The following NUP205 variants were observed in gnomAD, a reference collection of about 807,000 sequenced individuals.
NUP205 encodes nucleoporin 205, also known as nuclear pore complex protein Nup205.
A neutral mutation model predicts 253.8 loss-of-function variants in NUP205; 76 were observed. The observed-to-expected ratio is 0.30, with a 90% confidence interval of 0.25 to 0.36. The LOEUF (loss-of-function observed/expected upper bound fraction) is 0.36, where lower values mean the gene tolerates loss of function less well. Ranked by LOEUF, NUP205 falls within the 10% of genes least tolerant of loss-of-function variation. The probability of loss-of-function intolerance (pLI) is 1.00; values close to 1 mark genes in which losing one functional copy is unlikely to be tolerated. For missense variants in NUP205, 2,162 were observed against 2,425.5 expected, an observed-to-expected ratio of 0.89 and a Z score of 2.28; for synonymous variants, 832 against 850.1, an observed-to-expected ratio of 0.98 and a Z score of 0.37.
At chr7:135,571,601 A>G (rs1422323489) in intron 2 of NUP205, among the ~76,000 whole-genome samples, 2 of 152,056 alleles carry the variant, frequency 1.3e-5, no homozygotes, top group East Asian at 1.9e-4. Flanking sequence ...AAGGATGTAT[A>G]TATTTATGAG....
In NUP205 at chr7:135,578,913, C is replaced by G. The variant is rs368427614; in HGVS notation, c.1040C>G (p.Thr347Arg). 1 of 1,584,654 alleles carries G rather than the reference C, an allele frequency of 6.3e-7. No homozygotes were observed. Among genetic ancestry groups the G allele is most frequent in the Non-Finnish European group, 8.5e-7 (1 of 1,170,008 alleles). The change falls in exon 7 of 43, where the codon ACA becomes AGA. Residue 347 changes from threonine (T) to arginine (R), a missense_variant and splice_region_variant. This residue lies in a region of NUP205 where 892 missense variants were observed against 957.1 expected (regional missense o/e 0.93). Coordinates refer to ENST00000285968, the MANE Select transcript of NUP205 (RefSeq NM_015135.3). Reference protein sequence around the residue: ...LRGISQLPDVTALAEFTEADE... With the variant: ...LRGISQLPDVRALAEFTEADE... Reference sequence around the variant, plus strand: ...GGAATATCCCAGCTACCTGATGTGACAGGTGAATTGATTGTAGGTAATTTT... The same window carrying G: ...GGAATATCCCAGCTACCTGATGTGAGAGGTGAATTGATTGTAGGTAATTTT...
intron 23 of NUP205, among the ~76,000 whole-genome samples, chr7:135,615,709 G>T (rs938929044): frequency 2.6e-5 from 4 of 151,894 alleles, no homozygotes; most frequent in Non-Finnish European, 5.9e-5. Context: ...CCCATCTTTC[G>T]TAAATTTATA....
At chr7:135,605,604 A>C (rs1319735495) in intron 19 of NUP205, among the ~76,000 whole-genome samples, 1 of 151,620 alleles carries the variant, frequency 6.6e-6, no homozygotes, top group Non-Finnish European at 1.5e-5. Context: ...AGGTTTATGA[A>C]ACCTTGTGAT....
At position 135,628,001 on chromosome 7, in the gene NUP205, T is replaced by C. The variant is rs1563135357; in HGVS notation, c.4822T>C (p.Phe1608Leu). 1 of 1,612,334 alleles carries C rather than the reference T, an allele frequency of 6.2e-7. No homozygotes were observed. ...SMFGMRDPPM[F>L]IPTPVDRYRQ... ...GTTTGGCATGAGAGACCCTCCAATG[T>C]TCATCCCTACCCCAGTGGATCGCTA... Residue 1608 changes from phenylalanine to leucine, a missense_variant, in exon 34 of 43, where the codon TTC (phenylalanine) becomes CTC (leucine). This residue lies in a region of NUP205 where 1,144 missense variants were observed against 1,280.9 expected (regional missense o/e 0.89). Coordinates refer to ENST00000285968, the MANE Select transcript of NUP205 (RefSeq NM_015135.3).
chr7:135,590,180 C>T (rs1437605168), intron 10 of NUP205, among the ~76,000 whole-genome samples: 5 of 151,080 alleles, frequency 3.3e-5, no homozygotes, highest in Non-Finnish European at 5.9e-5. Context: ...GGCCTGATCT[C>T]GGCTCACTGC....
chr7:135,587,833 A>C (rs1024740617), intron 9 of NUP205, 22 bp from the exon 10 acceptor site: 2 of 1,595,274 alleles, frequency 1.3e-6, no homozygotes, highest in African/African-American at 2.7e-5. Context: ...ATTTCCCTAC[A>C]GTCTTTGCTT....
At chr7:135,568,336 A>G (rs759827622) in intron 1 of NUP205, among the ~76,000 whole-genome samples, 3 of 151,426 alleles carry the variant, frequency 2.0e-5, no homozygotes, top group Non-Finnish European at 4.4e-5. Flanking sequence ...TTAGTTTTTT[A>G]TTGTTGTTGT....
intron 17 of NUP205, among the ~76,000 whole-genome samples, chr7:135,601,946 T>C (rs974003382): frequency 1.3e-5 from 2 of 152,250 alleles, no homozygotes; most frequent in African/African-American, 4.8e-5. Flanking sequence ...TAAAAGCACA[T>C]TGCATATATT....
In NUP205 at chr7:135,598,068, G is replaced by A. The variant is rs2129490445; in HGVS notation, c.2135G>A (p.Ser712Asn). The change falls in exon 15 of 43, where the codon AGT becomes AAT. Residue 712 changes from serine to asparagine, a missense_variant. Transcript: ENST00000285968. Reference protein sequence around the residue: ...PLTRAFCQLISTLVESSFPSN... With the variant: ...PLTRAFCQLINTLVESSFPSN... ...ACTCGGGCCTTTTGCCAGCTTATTA[G>A]TACTCTGGTGGAGAGCTCATTTCCT... The A allele has an allele frequency of 6.2e-7, 1 of 1,614,138 alleles. No homozygotes were observed.
In NUP205 at chr7:135,614,171, T is replaced by C. The variant is rs748793968; in HGVS notation, c.3208T>C (p.Leu1070=). Reference sequence around the variant, plus strand: ...TTTAATGCTTTAGGTCATATATCAGTTATGTGCATGCTCTGATACATCTGG... The same window carrying C: ...TTTAATGCTTTAGGTCATATATCAGCTATGTGCATGCTCTGATACATCTGG... The part of the protein sequence containing the change: ...AELCYQVIYQ[L]CACSDTSGPT... Residue 1070 remains leucine (L), a synonymous_variant, in exon 23 of 43, where the codon TTA becomes CTA. Coordinates refer to ENST00000285968, the MANE Select transcript of NUP205 (RefSeq NM_015135.3). The C allele has an allele frequency of 1.9e-6, 3 of 1,583,816 alleles. No homozygotes were observed. Among genetic ancestry groups the C allele is most frequent in the East Asian group, 2.2e-5 (1 of 44,570 alleles).
In NUP205 at chr7:135,639,666, G is replaced by C. The variant is rs534206282; in HGVS notation, c.5392+983G>C. Reference sequence around the variant, plus strand: ...AGATCACACCACTGCACTACAGCCTGGGCTACAGAGTGAGACTTTGTCTCA... The same window carrying C: ...AGATCACACCACTGCACTACAGCCTCGGCTACAGAGTGAGACTTTGTCTCA... On this transcript the variant is annotated intron_variant, in intron 38 of 42. Coordinates refer to ENST00000285968, the MANE Select transcript of NUP205 (RefSeq NM_015135.3). 3.3e-5 allele frequency among the ~76,000 whole-genome samples: 5 copies of C among 151,274 alleles called. No homozygotes were observed. The South Asian group carries it at 1.0e-3, about 32-fold the overall frequency.
At chr7:135,573,619 C>G in intron 2 of NUP205, 35 bp from the exon 3 acceptor site, 1 of 1,562,282 alleles carries the variant, frequency 6.4e-7, no homozygotes, top group Admixed American at 1.8e-5. Context: ...CTCCAGTGTG[C>G]TATTTTCATA....
chr7:135,630,560 T>C, intron 35 of NUP205, 90 bp downstream of exon 35: 1 of 1,184,192 alleles, frequency 8.4e-7, no homozygotes, highest in Middle Eastern at 2.3e-4. Flanking sequence ...TTTGCAGCTA[T>C]ATATGACTTA....
Position 135,587,951 on chromosome 7 carries a change from T to G in NUP205, c.1432T>G (p.Ser478Ala). ...TCTTCAGACTCCGACTATCATGGGC[T>G]CTTATCTAGGGGTGGCTCATCAGCG... ...EPLQTPTIMG[S>A]YLGVAHQRPP... Residue 478 changes from serine (S) to alanine (A), a missense_variant, in exon 10 of 43, where the codon TCT becomes GCT. By Grantham distance (99) the Ser-to-Ala change is moderately conservative. Around this residue, in one of 5 missense-constraint regions of NUP205, gnomAD observed 892 missense variants for 957.1 expected, o/e 0.93. Coordinates refer to ENST00000285968, the MANE Select transcript of NUP205 (RefSeq NM_015135.3). 1 of 1,613,828 alleles carries G rather than the reference T, an allele frequency of 6.2e-7. No individual in the cohort carries two copies. The highest frequency in any genetic ancestry group is 8.5e-7 in the Non-Finnish European group (1 of 1,179,904).
At chr7:135,590,759 T>C (rs945504352) in intron 10 of NUP205, among the ~76,000 whole-genome samples, 1 of 151,542 alleles carries the variant, frequency 6.6e-6, no homozygotes, top group African/African-American at 2.4e-5. Context: ...TCTTGATCTC[T>C]TGACCTCGTG....
chr7:135,596,949 T>G (rs1793853520), intron 13 of NUP205, among the ~76,000 whole-genome samples: 1 of 143,980 alleles, frequency 6.9e-6, no homozygotes. Context: ...AGAGTGAGAC[T>G]CTGTCTCAAA....
chr7:135,643,371 T>C lies in NUP205; in HGVS notation c.5559+13T>C, dbSNP rs749517964. The C allele has an allele frequency of 1.2e-6, 2 of 1,610,412 alleles. No homozygotes were observed. Among genetic ancestry groups the C allele is most frequent in the Non-Finnish European group, 8.5e-7 (1 of 1,177,554 alleles). The stretch of plus-strand genomic sequence containing the variant: ...TGAGATAAAAGAGGTACGAATCTTA[T>C]AATGAGCTGGGGGGACTTGAGAAAT... On this transcript the variant is annotated intron_variant, in intron 39 of 42. Transcript: ENST00000285968.
In NUP205 at chr7:135,593,196, G is replaced by A; in HGVS notation, c.1830+4G>A. On this transcript the variant is annotated splice_donor_region_variant and intron_variant, in intron 12 of 42. Coordinates refer to ENST00000285968, the MANE Select transcript of NUP205 (RefSeq NM_015135.3). ...CACGTCTACCATCATTACTTGGGTAGGTAACTCATCCCCAGCATAATTTTA... is the reference window on the plus strand; with the variant it reads ...CACGTCTACCATCATTACTTGGGTAAGTAACTCATCCCCAGCATAATTTTA... 6.2e-7 allele frequency: 1 copy of A among 1,612,586 alleles called. No individual in the cohort carries two copies. The highest frequency in any genetic ancestry group is 1.3e-5 in the African/African-American group (1 of 74,966).
intron 39 of NUP205, 29 bp from the exon 40 acceptor site, chr7:135,644,866 C>A: frequency 6.2e-7 from 1 of 1,606,824 alleles, no homozygotes; most frequent in South Asian, 1.1e-5. Context: ...CAGTTGATGT[C>A]ATTCTAATAC....
Sources: gnomAD v4.1 joint callset for allele counts (sites outside exome capture counted in the v4.1 genomes callset) on GRCh38, gnomAD v4.1.1 for gene constraint, gnomAD v4.1.1 regional missense constraint, MANE v1.5 for transcripts, NCBI Gene and HGNC (gene_info 2026-07-23, HGNC 2026-07-21) for gene names.